Variants in ESR2 observed in about 807,000 individuals in gnomAD.
ESR2 encodes the protein estrogen receptor 2, also known as estrogen receptor beta.
In ESR2, 36 loss-of-function variants were observed where a neutral mutation model predicts 49.6. The observed-to-expected ratio is 0.73, with a 90% CI of 0.56 to 0.96. The LOEUF is 0.96. ESR2 is among the 40% of genes least tolerant of loss of function. The probability of loss-of-function intolerance (pLI) is 0.00; values close to 1 mark genes in which losing one functional copy is unlikely to be tolerated. For synonymous variants in ESR2, 320 were observed against 266.1 expected (o/e 1.20, Z -1.97); for missense variants, 714 against 693.0 (o/e 1.03, Z -0.34).
At chr14:64,245,513 A>G (rs2075835075) in intron 7 of ESR2, among the ~76,000 whole-genome samples, 2 of 142,620 alleles carry the variant, frequency 1.4e-5, no homozygotes, top group Non-Finnish European at 3.1e-5. Flanking sequence ...CTCTGTCAAA[A>G]AAAAAAAAAA....
At position 64,282,881 on chromosome 14, in the gene ESR2, G is replaced by A; in HGVS notation, c.105C>T (p.Ser35=). 8 of 1,614,212 alleles carry A rather than the reference G, an allele frequency of 5.0e-6. No homozygotes were observed. Among genetic ancestry groups the A allele is most frequent in the Non-Finnish European group, 6.8e-6 (8 of 1,180,026 alleles). ...GATATTCATGGTGGCTGTCTACATA[G>A]GAGGAAGGTATGTATATGGAGCCGT... is the stretch of plus-strand genomic sequence containing the variant. ...LEHGSIYIPS[S]YVDSHHEYPA... is the part of the protein sequence containing the mutation. Residue 35 remains serine, a synonymous_variant, in exon 2 of 9, where the codon TCC becomes TCT. Coordinates refer to ENST00000341099, the MANE Select transcript of ESR2 (RefSeq NM_001437.3).
intron 6 of ESR2, 66 bp from the exon 7 acceptor site, chr14:64,249,745 A>G: frequency 6.6e-7 from 1 of 1,504,628 alleles, no homozygotes; most frequent in Non-Finnish European, 9.1e-7. Context: ...AACAATAAGG[A>G]ATGTTTTATT....
intron 4 of ESR2, among the ~76,000 whole-genome samples, chr14:64,267,849 A>G (rs1256042): frequency 0.65 from 97,323 of 148,882 alleles, 33,378 homozygotes; most frequent in African/African-American, 0.88. Flanking sequence ...GGGCCACTGC[A>G]CTCCAGTCTG....
In ESR2 at chr14:64,233,262, G is replaced by A. The variant is rs745350863; in HGVS notation, c.1468C>T (p.Leu490=). ...KCKNVVPVYD[L]LLEMLNAHVL... ...TGGGCATTCAGCATCTCCAGCAGCA[G>A]GTCATACACTGGGACCACATTTTTG... Residue 490 remains leucine, a synonymous_variant, in exon 9 of 9, where the codon CTG becomes TTG. Coordinates refer to ENST00000341099, the MANE Select transcript of ESR2 (RefSeq NM_001437.3). 4.3e-6 allele frequency: 7 copies of A among 1,614,086 alleles called. No homozygotes were observed. In the East Asian group the frequency reaches 1.3e-4, roughly 31 times the overall value.
intron 1 of ESR2, among the ~76,000 whole-genome samples, chr14:64,325,146 T>G (rs538267790): frequency 6.6e-6 from 1 of 152,346 alleles, no homozygotes; most frequent in East Asian, 1.9e-4. Flanking sequence ...AGAATCCCGT[T>G]TCCTTGCCTA....
At chr14:64,227,299 G>A, downstream of ESR2, 2 of 551,364 alleles carry the variant, frequency 3.6e-6, no homozygotes, top group Non-Finnish European at 6.4e-6. Flanking sequence ...GCAAGCCCTG[G>A]GCAGTTAAGG....
chr14:64,236,035 C>T (rs1596366459), intron 7 of ESR2, among the ~76,000 whole-genome samples: 6 of 152,354 alleles, frequency 3.9e-5, no homozygotes, highest in Admixed American at 3.9e-4. Context: ...AACCAGGGAG[C>T]TGCTGAGTCT....
intron 1 of ESR2, among the ~76,000 whole-genome samples, chr14:64,311,584 A>G (rs1027533277): frequency 7.3e-5 from 11 of 150,826 alleles, no homozygotes; most frequent in African/African-American, 2.4e-4. Context: ...CAGAGGTTGC[A>G]GTGAGCTGAG....
At chr14:64,334,888 TC>T (rs1340655295) in intron 1 of ESR2, among the ~76,000 whole-genome samples, 1 of 152,218 alleles carries the variant, frequency 6.6e-6, no homozygotes, top group Non-Finnish European at 1.5e-5. Context: ...CCTCAGGTGA[TC>T]CGCCTGCCTC....
chr14:64,332,047 A>C (rs2077466713), intron 1 of ESR2, among the ~76,000 whole-genome samples: 1 of 152,162 alleles, frequency 6.6e-6, no homozygotes, highest in Non-Finnish European at 1.5e-5. Flanking sequence ...CAAAGACATA[A>C]ATTTTTAAAA....
chr14:64,247,725 C>A (rs1244943997), intron 7 of ESR2, among the ~76,000 whole-genome samples: 1 of 152,174 alleles, frequency 6.6e-6, no homozygotes, highest in Non-Finnish European at 1.5e-5. Flanking sequence ...GCTAGAGCGG[C>A]TGGCTTAGAC....
At chr14:64,245,000 T>C (rs1372492521) in intron 7 of ESR2, among the ~76,000 whole-genome samples, 3 of 152,186 alleles carry the variant, frequency 2.0e-5, no homozygotes. Context: ...ATATATTCTG[T>C]CAGGGTTTTA....
chr14:64,312,988 A>G (rs73269912), intron 1 of ESR2, among the ~76,000 whole-genome samples: 293 of 152,272 alleles, frequency 1.9e-3, no homozygotes, highest in African/African-American at 6.9e-3. Context: ...ATGTTTAACT[A>G]TATGGTATCT....
chr14:64,291,896 GT>G (rs201402341), intron 1 of ESR2, among the ~76,000 whole-genome samples: 61 of 148,394 alleles, frequency 4.1e-4, no homozygotes, highest in South Asian at 1.9e-3. Flanking sequence ...ATGAAAAGTA[GT>G]TTTTTTTTTA....
intron 7 of ESR2, among the ~76,000 whole-genome samples, chr14:64,235,953 C>G (rs2075589585): frequency 6.6e-6 from 1 of 152,178 alleles, no homozygotes; most frequent in African/African-American, 2.4e-5. Context: ...CTGCCTGACT[C>G]CTTGATTCCC....
Position 64,235,042 on chromosome 14 carries a change from C to T in ESR2, c.1334G>A (p.Gly445Asp). The T allele has an allele frequency of 6.2e-7, 1 of 1,614,194 alleles. No individual in the cohort carries two copies. Among genetic ancestry groups the T allele is most frequent in the Non-Finnish European group, 8.5e-7 (1 of 1,180,026 alleles). ...DALVWVIAKS[G>D]ISSQQQSMRL... ...CATGGATTGCTGCTGGGAGGAGATG[C>T]CGCTCTTGGCAATCACCCAAACCAA... Residue 445 changes from glycine (G) to aspartate (D), a missense_variant, in exon 8 of 9, where the codon GGC (glycine) becomes GAC (aspartate). Physicochemically the swap from Gly to Asp is moderately conservative, Grantham distance 94. Coordinates refer to ENST00000341099, the MANE Select transcript of ESR2 (RefSeq NM_001437.3).
intron 4 of ESR2, among the ~76,000 whole-genome samples, chr14:64,261,324 G>A (rs1046315770): frequency 7.4e-5 from 10 of 134,338 alleles, no homozygotes; most frequent in South Asian, 2.4e-4. Context: ...TGCAAGCTCC[G>A]CCTACCGGGT....
intron 1 of ESR2, among the ~76,000 whole-genome samples, chr14:64,319,838 C>A (rs1421027711): frequency 6.6e-6 from 1 of 152,116 alleles, no homozygotes; most frequent in Non-Finnish European, 1.5e-5. Context: ...GATGGAAATG[C>A]AAAATGGAAC....
chr14:64,238,558 A>G (rs1360167976), intron 7 of ESR2, among the ~76,000 whole-genome samples: 2 of 152,044 alleles, frequency 1.3e-5, no homozygotes, highest in South Asian at 2.1e-4. Flanking sequence ...CATCAAATAC[A>G]TATCTACAGA....
Sources: gnomAD v4.1 joint callset for allele counts (sites outside exome capture counted in the v4.1 genomes callset) on GRCh38, gnomAD v4.1.1 for gene constraint, MANE v1.5 for transcripts, NCBI Gene and HGNC (gene_info 2026-07-23, HGNC 2026-07-21) for gene names.